CHD2: variants seen among roughly 807,000 people sequenced by gnomAD.
CHD2 encodes the protein chromodomain helicase DNA binding protein 2.
Under a neutral mutation model 243.9 loss-of-function variants are expected in CHD2, and 28 were observed. The observed-to-expected ratio is 0.11, with a 90% CI of 0.09 to 0.16. The LOEUF (loss-of-function observed/expected upper bound fraction) is 0.16, where lower values mean the gene tolerates loss of function less well. CHD2 is among the 10% of genes least tolerant of loss of function. The pLI, the probability that CHD2 is intolerant of heterozygous loss-of-function variation, is 1.00. For synonymous variants in CHD2, 775 were observed against 779.0 expected, an observed-to-expected ratio of 0.99 and a Z score of 0.09; for missense variants, 1,386 against 2,209.8, an observed-to-expected ratio of 0.63 and a Z score of 7.47.
At chr15:93,020,631 A>G (rs907486297) in intron 38 of CHD2, 7 of 395,146 alleles carry the variant, frequency 1.8e-5, no homozygotes, top group South Asian at 1.3e-4. Flanking sequence ...CCACGAGCCC[A>G]TAATTGAAGA....
intron 16 of CHD2, among the ~76,000 whole-genome samples, chr15:92,960,929 G>T (rs1015467310): frequency 1.3e-5 from 2 of 151,982 alleles, no homozygotes; most frequent in South Asian, 4.2e-4. Context: ...TGTCAGCCAG[G>T]TTGGTCTCGA....
In CHD2 at chr15:92,943,217, A is replaced by G. The variant is rs924949453; in HGVS notation, c.1052+149A>G. On this transcript the variant is annotated intron_variant, in intron 9 of 38. Transcript: ENST00000394196. ...GGAGCCATTTACAATTCTATTTTAT[A>G]AGATTGTGACCTTCAGATACTATAT... 1.5e-5 allele frequency: 10 copies of G among 648,530 alleles called. No homozygotes were observed. In the South Asian group the frequency reaches 1.6e-4, roughly 10 times the overall value. The allele number at this position is 648,530 out of a possible 1,614,324, so 40.2% of individuals were successfully genotyped here.
At chr15:93,020,629 C>G (rs1037437278) in intron 38 of CHD2, 1 of 399,324 alleles carries the variant, frequency 2.5e-6, no homozygotes, top group Non-Finnish European at 4.5e-6. Flanking sequence ...TGCCACGAGC[C>G]CATAATTGAA....
chr15:93,019,929 A>G, intron 37 of CHD2, 83 bp from the exon 38 acceptor site: 1 of 1,391,108 alleles, frequency 7.2e-7, no homozygotes, highest in Non-Finnish European at 9.8e-7. Context: ...GCACGACTCC[A>G]TCTCCAAAAA....
rs561512976 is a variant in CHD2 at position 92,944,062 on chromosome 15, A to ATG, written c.1053-353_1053-352insTG. ...TCAATCCTAAAACCCATATATATATAAGAAAAGGCGTACAGTTTTATTATC... is the reference window on the plus strand; with the variant it reads ...TCAATCCTAAAACCCATATATATATATGAGAAAAGGCGTACAGTTTTATTATC... On this transcript the variant is annotated intron_variant, in intron 9 of 38. Transcript: ENST00000394196. The ATG allele has an allele frequency of 2.6e-4, 40 of 155,922 alleles. No individual in the cohort carries two copies. In the South Asian group the frequency reaches 7.4e-3, roughly 29 times the overall value. 9.7% of individuals were successfully genotyped at this position (155,922 alleles called of 1,614,324 possible).
intron 4 of CHD2, among the ~76,000 whole-genome samples, chr15:92,928,478 C>T (rs557977544): frequency 7.4e-6 from 1 of 135,746 alleles, no homozygotes; most frequent in African/African-American, 2.5e-5. Context: ...GCACTGTTGG[C>T]TCATGAGTGA....
At chr15:93,008,997 T>TA (rs1437738522) in intron 34 of CHD2, 148 bp from the exon 35 acceptor site, 9 of 826,146 alleles carry the variant, frequency 1.1e-5, no homozygotes, top group Admixed American at 2.8e-5. Context: ...TACTTACACT[T>TA]ACTCCACTGC....
At chr15:92,962,199 T>C (rs919247042) in intron 16 of CHD2, among the ~76,000 whole-genome samples, 6 of 151,866 alleles carry the variant, frequency 4.0e-5, no homozygotes, top group African/African-American at 1.5e-4. Flanking sequence ...TTCTGTTTAT[T>C]TCCACTCTCA....
rs745530273 is a variant in CHD2 at position 92,924,608 on chromosome 15, AC to A, written c.294+58del. ...CTGCTAGCCTAGGACAAGCTAGCAG[AC>A]CTTTGTTGTTCATGAAAACTCATTA... On this transcript the variant is annotated intron_variant, in intron 3 of 38. Transcript: ENST00000394196. The A allele has an allele frequency of 1.3e-4, 191 of 1,476,474 alleles. 1 individual carries two copies. Among genetic ancestry groups the A allele is most frequent in the Non-Finnish European group, 1.7e-4 (182 of 1,056,416 alleles). The allele number at this position is 1,476,474 out of a possible 1,614,324, so 91.5% of individuals were successfully genotyped here.
At chr15:92,951,867 T>C (rs1037673511) in intron 13 of CHD2, among the ~76,000 whole-genome samples, 1 of 152,242 alleles carries the variant, frequency 6.6e-6, no homozygotes, top group African/African-American at 2.4e-5. Flanking sequence ...CCCTTTAAAC[T>C]AGCTAGTTTG....
In CHD2 at chr15:93,027,659, A is replaced by C. The variant is rs1314697462; in HGVS notation, c.*2954A>C. The C allele has an allele frequency of 1.3e-5, 2 of 152,758 alleles. No homozygotes were observed. Among genetic ancestry groups the C allele is most frequent in the Non-Finnish European group, 2.9e-5 (2 of 68,094 alleles). The allele number at this position is 152,758 out of a possible 1,614,324, so 9.5% of individuals were successfully genotyped here. A position where few individuals can be genotyped will look rare whatever the true frequency, so the allele number is the denominator to read the frequency against. On this transcript the variant is annotated 3_prime_UTR_variant, in exon 39 of 39. Transcript: ENST00000394196. ...TACAGACCAAAATCCACTTGTCAGC[A>C]GGAGCAGCAGCCCAGGCCCAGCACC...
intron 2 of CHD2, among the ~76,000 whole-genome samples, chr15:92,920,573 T>G (rs1285141802): frequency 6.6e-6 from 1 of 152,188 alleles, no homozygotes; most frequent in African/African-American, 2.4e-5. Flanking sequence ...TCTAGTTATC[T>G]TCAGTAAACT....
rs776558690 is a variant in CHD2 at position 93,020,158 on chromosome 15, C to T, written c.5053C>T (p.Arg1685Cys). ...YGDRRHMDAH[R>C]SGSYRPNNMS... ...GGACCGGCGACATATGGATGCCCACCGTTCCGGAAGCTATCGACCCAACAA... is the reference window on the plus strand; with the variant it reads ...GGACCGGCGACATATGGATGCCCACTGTTCCGGAAGCTATCGACCCAACAA... The change falls in exon 38 of 39, where the codon CGT becomes TGT. Residue 1685 changes from arginine to cysteine, a missense_variant. This residue lies in a region of CHD2 where 347 missense variants were observed against 341.6 expected (regional missense o/e 1.02). Transcript: ENST00000394196. 8 of 1,613,932 alleles carry T rather than the reference C, an allele frequency of 5.0e-6. No individual in the cohort carries two copies. Among genetic ancestry groups the T allele is most frequent in the South Asian group, 3.3e-5 (3 of 91,070 alleles).
At chr15:92,979,096 G>C in intron 21 of CHD2, 39 bp from the exon 22 acceptor site, 1 of 1,602,568 alleles carries the variant, frequency 6.2e-7, no homozygotes, top group Non-Finnish European at 8.5e-7. Flanking sequence ...GGGTTGGGGG[G>C]TGGTTCAGGC....
At chr15:92,906,390 T>C (rs558826475) in intron 2 of CHD2, among the ~76,000 whole-genome samples, 1 of 152,294 alleles carries the variant, frequency 6.6e-6, no homozygotes, top group African/African-American at 2.4e-5. Context: ...ATAAAGACTT[T>C]TGGTTGTGAC....
rs548628166 is a variant in CHD2, at chr15:92,972,963, G to T, written c.2505+546G>T. On this transcript the variant is annotated intron_variant, in intron 19 of 38. Transcript: ENST00000394196. The stretch of plus-strand genomic sequence containing the variant: ...GAGACGATTCTTTTTTTGAAGGTGG[G>T]TGGGGAGGATTAGAGAAAGTCAAAC... Among the ~76,000 whole-genome samples, 22 of 152,236 alleles carry T rather than the reference G, an allele frequency of 1.4e-4. No homozygotes were observed. In the East Asian group the frequency reaches 4.3e-3, roughly 29 times the overall value.
Position 92,937,610 on chromosome 15 carries a change from G to C in CHD2, c.536G>C (p.Arg179Thr). The C allele has an allele frequency of 6.2e-7, 1 of 1,613,296 alleles. No individual in the cohort carries two copies. Among genetic ancestry groups the C allele is most frequent in the Non-Finnish European group, 8.5e-7 (1 of 1,179,522 alleles). ...GAACAAAAAAAAGTAAAAGCCAGAA[G>C]ACCTGTCCCCAGAAGGTGCACTGTT... ...EPEQKKVKAR[R>T]PVPRRTVPKP... The change falls in exon 6 of 39, where the codon AGA becomes ACA. Residue 179 changes from arginine to threonine, a missense_variant. Physicochemically the swap from Arg to Thr is moderately conservative, Grantham distance 71 (BLOSUM62 -1). Around this residue, in one of 19 missense-constraint regions of CHD2, gnomAD observed 90 missense variants for 78.0 expected, o/e 1.15. Coordinates refer to ENST00000394196, the MANE Select transcript of CHD2 (RefSeq NM_001271.4).
At chr15:92,908,960 A>G (rs2052675040) in intron 2 of CHD2, among the ~76,000 whole-genome samples, 1 of 152,008 alleles carries the variant, frequency 6.6e-6, no homozygotes, top group Non-Finnish European at 1.5e-5. Flanking sequence ...CTCTACTAAA[A>G]ATACAAAGAT....
At chr15:92,917,411 A>G (rs901258281) in intron 2 of CHD2, among the ~76,000 whole-genome samples, 1 of 152,118 alleles carries the variant, frequency 6.6e-6, no homozygotes, top group Non-Finnish European at 1.5e-5. Context: ...ATACAAAACA[A>G]TTAGCCAGGT....
Sources: gnomAD v4.1 joint callset for allele counts (sites outside exome capture counted in the v4.1 genomes callset) on GRCh38, gnomAD v4.1.1 for gene constraint, gnomAD v4.1.1 regional missense constraint, MANE v1.5 for transcripts, NCBI Gene and HGNC (gene_info 2026-07-23, HGNC 2026-07-21) for gene names.